The following WBP1L variants were observed in gnomAD, a reference collection of about 807,000 sequenced individuals.
WBP1L encodes WW domain binding protein 1-like.
A neutral mutation model predicts 33.7 loss-of-function variants in WBP1L; 17 were observed. The ratio of observed to expected loss-of-function variants is 0.50; its 90% CI spans 0.34 to 0.76. The LOEUF (loss-of-function observed/expected upper bound fraction) is 0.76. WBP1L is among the 30% of genes least tolerant of loss of function. The pLI is 0.01. For missense variants in WBP1L, 389 were observed against 469.4 expected (o/e 0.83, Z 1.58); for synonymous variants, 173 against 190.8 (o/e 0.91, Z 0.77).
chr10:102,806,414 G>C (rs1843736560), intron 2 of WBP1L, among the ~76,000 whole-genome samples: 1 of 152,044 alleles, frequency 6.6e-6, no homozygotes, highest in Admixed American at 6.6e-5. Flanking sequence ...ACAACCCTAG[G>C]AGATGTTATC....
chr10:102,797,701 C>T (rs1325564029), intron 1 of WBP1L, among the ~76,000 whole-genome samples: 1 of 152,038 alleles, frequency 6.6e-6, no homozygotes, highest in Non-Finnish European at 1.5e-5. Context: ...TACAGGCGCG[C>T]ACCACCACGC....
chr10:102,776,562 C>T, intron 1 of WBP1L: 1 of 1,101,516 alleles, frequency 9.1e-7, no homozygotes, highest in Admixed American at 2.0e-5. Flanking sequence ...TTTCCAGTCT[C>T]CCTTCTTGTT....
intron 2 of WBP1L, among the ~76,000 whole-genome samples, chr10:102,802,277 G>C (rs1232043762): frequency 6.7e-6 from 1 of 149,876 alleles, no homozygotes; most frequent in Non-Finnish European, 1.5e-5. Flanking sequence ...AAGTAGCTGG[G>C]ACTATGAGTA....
At chr10:102,745,478 C>G (rs1842854917) in intron 1 of WBP1L, among the ~76,000 whole-genome samples, 1 of 152,168 alleles carries the variant, frequency 6.6e-6, no homozygotes, top group South Asian at 2.1e-4. Flanking sequence ...TTCCCCCAGC[C>G]CCTGGCAACC....
At chr10:102,775,267 G>A (rs565601073) in intron 1 of WBP1L, among the ~76,000 whole-genome samples, 1 of 152,286 alleles carries the variant, frequency 6.6e-6, no homozygotes, top group South Asian at 2.1e-4. Context: ...TCAGGCCGAG[G>A]GAGAGCTGCT....
At chr10:102,809,777 C>T (rs933928946) in intron 2 of WBP1L, 116 bp from the exon 3 acceptor site, 41 of 1,189,944 alleles carry the variant, frequency 3.4e-5, no homozygotes, top group Non-Finnish European at 1.4e-5. Flanking sequence ...GGGTGAGGCC[C>T]AGCCATGCCA....
At chr10:102,784,421 CTTTTTTT>C (rs35898015) in intron 1 of WBP1L, among the ~76,000 whole-genome samples, 1 of 97,846 alleles carries the variant, frequency 1.0e-5, no homozygotes, top group Non-Finnish European at 2.1e-5. Flanking sequence ...GTTCTTGTTT[CTTTTTTT>C]TTTTTTTTTT....
rs1188286707 is a variant in WBP1L, at chr10:102,757,887, C to CTTTT, written c.90+13757_90+13760dup. On this transcript the variant is annotated intron_variant, in intron 1 of 3. Transcript: ENST00000448841. ...CACTGTACCTGCCCTCCCCCCCCCCCTTTTTTTTTTTTTTTTGAGACAGAG... is the reference window on the plus strand; with the variant it reads ...CACTGTACCTGCCCTCCCCCCCCCCCTTTTTTTTTTTTTTTTTTTTGAGACAGAG... Among the ~76,000 whole-genome samples, 19 of 25,370 alleles carry CTTTT rather than the reference C, an allele frequency of 7.5e-4. 3 individuals carry two copies. The highest frequency in any genetic ancestry group is 1.0e-3 in the Non-Finnish European group (15 of 14,874). 16.6% of individuals were successfully genotyped at this position (25,370 alleles called of 152,430 possible).
intron 1 of WBP1L, among the ~76,000 whole-genome samples, chr10:102,752,414 C>T (rs910905550): frequency 2.0e-5 from 3 of 152,198 alleles, no homozygotes; most frequent in African/African-American, 7.2e-5. Context: ...CCGAATCTCA[C>T]TGCCTTTCAG....
intron 1 of WBP1L, among the ~76,000 whole-genome samples, chr10:102,775,178 TCTC>T (rs1175688381): frequency 1.3e-5 from 2 of 151,798 alleles, no homozygotes; most frequent in Non-Finnish European, 2.9e-5. Context: ...TGAAGATTGT[TCTC>T]CTTGAGTCAT....
intron 1 of WBP1L, among the ~76,000 whole-genome samples, chr10:102,765,677 T>G (rs1235094191): frequency 6.6e-6 from 1 of 152,194 alleles, no homozygotes; most frequent in Non-Finnish European, 1.5e-5. Context: ...AGTTGCTTAC[T>G]TTAGAGGAGA....
intron 2 of WBP1L, among the ~76,000 whole-genome samples, chr10:102,803,710 G>C (rs1305925320): frequency 6.6e-6 from 1 of 151,428 alleles, no homozygotes; most frequent in Non-Finnish European, 1.5e-5. Context: ...CCAGGTTCAC[G>C]CCATTCTCCT....
chr10:102,784,870 T>C (rs1250442643), intron 1 of WBP1L, among the ~76,000 whole-genome samples: 1 of 62,408 alleles, frequency 1.6e-5, no homozygotes, highest in African/African-American at 4.1e-5. Context: ...CCACTTTTTT[T>C]TCTTTTTTTT....
At chr10:102,801,297 T>G (rs1021909969) in intron 2 of WBP1L, among the ~76,000 whole-genome samples, 3 of 152,166 alleles carry the variant, frequency 2.0e-5, no homozygotes, top group African/African-American at 7.2e-5. Flanking sequence ...CATCATTCCA[T>G]CAGTTATTCA....
chr10:102,779,138 C>T (rs1843303247), intron 1 of WBP1L, among the ~76,000 whole-genome samples: 1 of 151,794 alleles, frequency 6.6e-6, no homozygotes, highest in African/African-American at 2.4e-5. Flanking sequence ...TTCTTTCTAG[C>T]CTGCCTAGGT....
chr10:102,783,089 C>T (rs1843360878), intron 1 of WBP1L, among the ~76,000 whole-genome samples: 1 of 152,162 alleles, frequency 6.6e-6, no homozygotes, highest in Non-Finnish European at 1.5e-5. Flanking sequence ...TGTGATCTCC[C>T]ACCCCTCTGG....
intron 1 of WBP1L, among the ~76,000 whole-genome samples, chr10:102,778,796 C>T (rs1843299008): frequency 6.6e-6 from 1 of 152,196 alleles, no homozygotes; most frequent in Non-Finnish European, 1.5e-5. Flanking sequence ...ATAATGCACA[C>T]ACACACACAT....
At position 102,744,058 on chromosome 10, in the gene WBP1L, AGAG is replaced by A; in HGVS notation, c.9_11del (p.Arg5del). The stretch of plus-strand genomic sequence containing the variant: ...AGGAGCAGGAGCAGGAGGGGGATGG[AGAG>A]GAGAAGGCTCCTGGGTGGCATGGCG... On this transcript the variant is annotated inframe_deletion, in exon 1 of 4. Coordinates refer to ENST00000448841, the MANE Select transcript of WBP1L (RefSeq NM_001083913.2). The A allele has an allele frequency of 1.9e-6, 3 of 1,550,644 alleles. No individual in the cohort carries two copies. The highest frequency in any genetic ancestry group is 2.6e-6 in the Non-Finnish European group (3 of 1,146,982).
intron 1 of WBP1L, among the ~76,000 whole-genome samples, chr10:102,773,673 A>C (rs1428712688): frequency 2.6e-5 from 4 of 152,120 alleles, no homozygotes; most frequent in Non-Finnish European, 5.9e-5. Flanking sequence ...GGATCACTTG[A>C]GGACAAGAGT....
Sources: gnomAD v4.1 joint callset for allele counts (sites outside exome capture counted in the v4.1 genomes callset) on GRCh38, gnomAD v4.1.1 for gene constraint, MANE v1.5 for transcripts, NCBI Gene and HGNC (gene_info 2026-07-23, HGNC 2026-07-21) for gene names.